The following ANKS1B variants were observed in gnomAD, a reference collection of about 807,000 sequenced individuals.
ANKS1B encodes ankyrin repeat and sterile alpha motif domain containing 1B, also known as ankyrin repeat and sterile alpha motif domain-containing protein 1B.
In ANKS1B, 36 loss-of-function variants were observed where a neutral mutation model predicts 148.3. The ratio of observed to expected loss-of-function variants is 0.24; its 90% CI spans 0.19 to 0.32. ANKS1B has a LOEUF of 0.32. Among genes scored for constraint, ANKS1B ranks in the 10% least tolerant of loss-of-function variants. ANKS1B has a pLI of 1.00. For missense variants in ANKS1B, 1,157 were observed against 1,542.6 expected, an observed-to-expected ratio of 0.75 and a Z score of 4.19; for synonymous variants, 542 against 560.8, an observed-to-expected ratio of 0.97 and a Z score of 0.47.
At chr12:99,498,145 G>T (rs1420650590) in intron 10 of ANKS1B, among the ~76,000 whole-genome samples, 1 of 152,144 alleles carries the variant, frequency 6.6e-6, no homozygotes, top group Non-Finnish European at 1.5e-5. Context: ...ATTTCTTGCT[G>T]AGTGTATGCA....
At chr12:98,805,629 C>CA (rs1264237124) in intron 20 of ANKS1B, among the ~76,000 whole-genome samples, 3 of 152,152 alleles carry the variant, frequency 2.0e-5, no homozygotes, top group Admixed American at 1.3e-4. Context: ...AAAAGCTTCA[C>CA]AAAATACAGA....
chr12:99,203,279 C>T (rs1331005581), intron 14 of ANKS1B, among the ~76,000 whole-genome samples: 1 of 152,154 alleles, frequency 6.6e-6, no homozygotes, highest in Non-Finnish European at 1.5e-5. Context: ...TCCAACAACA[C>T]TTCATTTCTA....
chr12:98,849,670 T>G (rs2099511077), intron 17 of ANKS1B, among the ~76,000 whole-genome samples: 1 of 151,686 alleles, frequency 6.6e-6, no homozygotes, highest in Admixed American at 6.6e-5. Flanking sequence ...TTTCAAATAC[T>G]TTTTTTTTCT....
intron 15 of ANKS1B, among the ~76,000 whole-genome samples, chr12:99,095,110 T>G (rs2055514317): frequency 6.6e-6 from 1 of 152,142 alleles, no homozygotes; most frequent in South Asian, 2.1e-4. Flanking sequence ...GAAATCAGAA[T>G]AGTCTTTGAT....
intron 17 of ANKS1B, among the ~76,000 whole-genome samples, chr12:98,867,250 A>G (rs905637564): frequency 2.6e-5 from 4 of 152,164 alleles, no homozygotes; most frequent in Non-Finnish European, 4.4e-5. Context: ...AGCCATTGCA[A>G]GAAATCACAT....
In ANKS1B at chr12:99,968,770, G is replaced by A. The variant is rs931430387; in HGVS notation, c.134+15334C>T. On this transcript the variant is annotated intron_variant, in intron 1 of 26. Transcript: ENST00000683438. ...TCATGGGAGTGGACCCCTCATGAAC[G>A]GCTTAGCAGCATCCCCTTGGTGATG... Among the ~76,000 whole-genome samples, 8 of 152,154 alleles carry A rather than the reference G, an allele frequency of 5.3e-5. No individual in the cohort carries two copies. In the South Asian group the frequency reaches 8.3e-4, roughly 16 times the overall value.
At chr12:99,924,913 C>A (rs1379553142) in intron 1 of ANKS1B, among the ~76,000 whole-genome samples, 2 of 152,196 alleles carry the variant, frequency 1.3e-5, no homozygotes, top group Admixed American at 6.5e-5. Context: ...TCCTTGCTCA[C>A]TTTTCTTCAT....
chr12:99,318,399 T>C (rs545613821), intron 12 of ANKS1B, among the ~76,000 whole-genome samples: 1 of 152,188 alleles, frequency 6.6e-6, no homozygotes, highest in African/African-American at 2.4e-5. Flanking sequence ...CTTGGGAGGG[T>C]GTATGTGTTC....
intron 4 of ANKS1B, among the ~76,000 whole-genome samples, chr12:99,805,718 A>T (rs2153661235): frequency 6.6e-6 from 1 of 152,298 alleles, no homozygotes; most frequent in African/African-American, 2.4e-5. Context: ...AACAAAACCT[A>T]TCCAAATCCT....
chr12:99,462,534 T>C (rs950888153), intron 10 of ANKS1B, among the ~76,000 whole-genome samples: 1 of 152,240 alleles, frequency 6.6e-6, no homozygotes. Flanking sequence ...GTCAGCTTTC[T>C]GGTGAATCCA....
chr12:99,120,050 C>T (rs1356831251), intron 15 of ANKS1B, among the ~76,000 whole-genome samples: 1 of 152,206 alleles, frequency 6.6e-6, no homozygotes, highest in African/African-American at 2.4e-5. Flanking sequence ...TCAAGGTCGC[C>T]TGTCCCGGCA....
At chr12:98,806,564 T>C (rs1481647297) in intron 20 of ANKS1B, among the ~76,000 whole-genome samples, 4 of 152,218 alleles carry the variant, frequency 2.6e-5, no homozygotes, top group Non-Finnish European at 5.9e-5. Flanking sequence ...TGTGATTACA[T>C]TTACTTTCTG....
rs555073349 is a variant in ANKS1B, at chr12:98,829,046, C to T, written c.3066+128G>A. On this transcript the variant is annotated intron_variant, in intron 19 of 26. Transcript: ENST00000683438. The surrounding 1 kb of genome is among the most constrained non-coding windows in gnomAD (Gnocchi z 5.2). ...GTTCAGATGAGCAAGGAATGAAAGG[C>T]GGGGCATAACATGGTATAAATTCTA... The T allele has an allele frequency of 1.9e-5, 20 of 1,063,022 alleles. No individual in the cohort carries two copies. The highest frequency in any genetic ancestry group is 1.7e-4 in the South Asian group (12 of 70,572). 65.8% of individuals were successfully genotyped at this position (1,063,022 alleles called of 1,614,324 possible). A position where few individuals can be genotyped will look rare whatever the true frequency, so the allele number is the denominator to read the frequency against.
chr12:99,927,891 A>T (rs1447349879), intron 1 of ANKS1B, among the ~76,000 whole-genome samples: 1 of 152,208 alleles, frequency 6.6e-6, no homozygotes, highest in African/African-American at 2.4e-5. Context: ...TATAAAAATA[A>T]TACTATAACT....
At chr12:99,239,294 G>C (rs2088731289) in intron 14 of ANKS1B, among the ~76,000 whole-genome samples, 3 of 152,156 alleles carry the variant, frequency 2.0e-5, no homozygotes, top group Non-Finnish European at 4.4e-5. Flanking sequence ...TAGCTGATTT[G>C]ATCAAGTGGA....
chr12:99,852,915 G>A lies in ANKS1B; in HGVS notation c.135-27526C>T, dbSNP rs572847695. Among the ~76,000 whole-genome samples, 10 of 152,222 alleles carry A rather than the reference G, an allele frequency of 6.6e-5. No individual in the cohort carries two copies. In the East Asian group the frequency reaches 7.7e-4, roughly 12 times the overall value. ...ACTGGCCTTTCAGGCTGTGAGTTGC[G>A]GGGGAGCTGGGTGAGGCCTGTGGCT... On this transcript the variant is annotated intron_variant, in intron 1 of 26. Coordinates refer to ENST00000683438, the MANE Select transcript of ANKS1B (RefSeq NM_001352186.2).
chr12:99,540,704 G>C (rs573311505), intron 9 of ANKS1B, among the ~76,000 whole-genome samples: 4 of 151,728 alleles, frequency 2.6e-5, no homozygotes, highest in Admixed American at 2.6e-4. Flanking sequence ...TTTTTAAAAA[G>C]ACATAAGTCA....
chr12:99,032,175 T>C (rs937233525), intron 17 of ANKS1B, among the ~76,000 whole-genome samples: 18 of 152,202 alleles, frequency 1.2e-4, no homozygotes, highest in Admixed American at 7.2e-4. Flanking sequence ...ACATAGTCTA[T>C]TGCAACTTGA....
chr12:99,350,171 C>T (rs537138498), intron 12 of ANKS1B, among the ~76,000 whole-genome samples: 1 of 152,036 alleles, frequency 6.6e-6, no homozygotes, highest in African/African-American at 2.4e-5. Context: ...GCACCTCCCC[C>T]TTCTTTCTCT....
Sources: gnomAD v4.1 joint callset for allele counts (sites outside exome capture counted in the v4.1 genomes callset) on GRCh38, gnomAD v4.1.1 for gene constraint, Gnocchi (gnomAD v3.1) non-coding constraint, MANE v1.5 for transcripts, NCBI Gene and HGNC (gene_info 2026-07-23, HGNC 2026-07-21) for gene names.